ICA1: variants seen among roughly 807,000 people sequenced by gnomAD.
ICA1 encodes the protein 69 kDa islet cell autoantigen.
A neutral mutation model predicts 71.0 loss-of-function variants in ICA1; 40 were observed. The ratio of observed to expected loss-of-function variants is 0.56; its 90% CI spans 0.44 to 0.73. ICA1 has a LOEUF of 0.73. Ranked by LOEUF, ICA1 falls within the 30% of genes least tolerant of loss-of-function variation. The probability of loss-of-function intolerance (pLI) is 0.00; values close to 1 mark genes in which losing one functional copy is unlikely to be tolerated. For missense variants in ICA1, 578 were observed against 576.5 expected, an observed-to-expected ratio of 1.00 and a Z score of -0.03; for synonymous variants, 207 against 209.5, an observed-to-expected ratio of 0.99 and a Z score of 0.10.
At chr7:8,201,818 T>C (rs1237287913) in intron 6 of ICA1, among the ~76,000 whole-genome samples, 1 of 152,082 alleles carries the variant, frequency 6.6e-6, no homozygotes, top group Non-Finnish European at 1.5e-5. Flanking sequence ...AGAGTTGCCA[T>C]TAGGGAGATT....
In ICA1 at chr7:8,231,852, G is replaced by A. The variant is rs569043766; in HGVS notation, c.183+738C>T. Among the ~76,000 whole-genome samples, 14 of 152,262 alleles carry A rather than the reference G, an allele frequency of 9.2e-5. No homozygotes were observed. In the South Asian group the frequency reaches 2.1e-3, roughly 23 times the overall value. ...TGGTTTCCACCATTCTGGACACTCCGAAAACTTTTTGAAATCTTGGGCTTT... is the reference window on the plus strand; with the variant it reads ...TGGTTTCCACCATTCTGGACACTCCAAAAACTTTTTGAAATCTTGGGCTTT... On this transcript the variant is annotated intron_variant, in intron 3 of 13. Transcript: ENST00000402384.
intron 10 of ICA1, among the ~76,000 whole-genome samples, chr7:8,141,124 T>C (rs890864919): frequency 1.1e-4 from 17 of 152,184 alleles, no homozygotes; most frequent in Admixed American, 9.2e-4. Flanking sequence ...TATCAAACCC[T>C]GTGTCCCTCT....
chr7:8,254,362 G>C (rs1436036009), intron 1 of ICA1, among the ~76,000 whole-genome samples: 3 of 151,664 alleles, frequency 2.0e-5, no homozygotes, highest in African/African-American at 4.9e-5. Flanking sequence ...CTTAGGAGCA[G>C]GGAATGCAGG....
intron 6 of ICA1, among the ~76,000 whole-genome samples, chr7:8,191,159 T>G (rs936704649): frequency 6.6e-6 from 1 of 152,260 alleles, no homozygotes; most frequent in Non-Finnish European, 1.5e-5. Context: ...ATAATGTCCC[T>G]GCTATCATCT....
At chr7:8,171,321 A>T (rs1463803149) in intron 6 of ICA1, among the ~76,000 whole-genome samples, 3 of 151,966 alleles carry the variant, frequency 2.0e-5, no homozygotes, top group African/African-American at 4.8e-5. Context: ...TGATTTATTC[A>T]TAGATATAGG....
intron 6 of ICA1, among the ~76,000 whole-genome samples, chr7:8,182,975 G>A (rs558710453): frequency 4.6e-5 from 7 of 152,280 alleles, no homozygotes; most frequent in African/African-American, 1.4e-4. Context: ...GCATGTACAG[G>A]GGACATGCAA....
rs1312052034 is a variant in ICA1 at position 8,232,742 on chromosome 7, C to T, written c.31G>A (p.Asp11Asn). The T allele has an allele frequency of 2.5e-6, 4 of 1,595,788 alleles. No homozygotes were observed. The highest frequency in any genetic ancestry group is 1.7e-5 in the Admixed American group (1 of 57,234). The change falls in exon 3 of 14, where the codon GAC becomes AAC. Residue 11 changes from aspartate to asparagine, a missense_variant. Physicochemically the swap from Asp to Asn is conservative, Grantham distance 23. Coordinates refer to ENST00000402384, the MANE Select transcript of ICA1 (RefSeq NM_001136020.3). The stretch of plus-strand genomic sequence containing the variant: ...TCTTGAGCATATCGATCCTGTAAGT[C>T]CCAGGGATAACTGCTAAAAACATTT... MSGHKCSYPW[D>N]LQDRYAQDKS...
chr7:8,229,364 A>G (rs1190416643), intron 3 of ICA1, among the ~76,000 whole-genome samples: 1 of 152,200 alleles, frequency 6.6e-6, no homozygotes, highest in Non-Finnish European at 1.5e-5. Flanking sequence ...ATCTAACTTG[A>G]TTTCAATGCG....
chr7:8,233,186 T>C (rs1583557918), intron 2 of ICA1, among the ~76,000 whole-genome samples: 1 of 152,034 alleles, frequency 6.6e-6, no homozygotes, highest in East Asian at 1.9e-4. Context: ...AAAGCAGAGA[T>C]AAGAGGCTGA....
intron 6 of ICA1, among the ~76,000 whole-genome samples, chr7:8,169,925 T>TGTGTGTGC (rs1231380733): frequency 6.6e-6 from 1 of 151,798 alleles, no homozygotes; most frequent in Non-Finnish European, 1.5e-5. Context: ...TGTGTGTGTG[T>TGTGTGTGC]GTTTTAATGC....
At position 8,144,862 on chromosome 7, in the gene ICA1, C is replaced by T. The variant is rs1796352802; in HGVS notation, c.805-890G>A. On this transcript the variant is annotated intron_variant, in intron 8 of 13. Transcript: ENST00000402384. This position sits in a 1 kb window ranked among gnomAD's most constrained non-coding sequence, Gnocchi z 4.5. ...AAAATCCAAGTCATGAGCCTGGGGC[C>T]TTCACCTTGTTTCTCCTGTCCTTCT... 6.6e-6 allele frequency among the ~76,000 whole-genome samples: 1 copy of T among 152,182 alleles called. No homozygotes were observed. Among genetic ancestry groups the T allele is most frequent in the South Asian group, 2.1e-4 (1 of 4,828 alleles).
rs373850446 is a variant in ICA1, at chr7:8,119,654, C to T, written c.1331-5610G>A. Among the ~76,000 whole-genome samples the T allele has an allele frequency of 3.9e-5, 6 of 151,930 alleles. No homozygotes were observed. In the East Asian group the frequency reaches 9.7e-4, roughly 25 times the overall value. The stretch of plus-strand genomic sequence containing the variant: ...TGAGGTCAGGAGTTCAAGACCAGCC[C>T]GGCCAACATGGTGAAACCCTGTCTC... On this transcript the variant is annotated intron_variant, in intron 13 of 13. Coordinates refer to ENST00000402384, the MANE Select transcript of ICA1 (RefSeq NM_001136020.3).
At chr7:8,209,937 G>A (rs544036694) in intron 6 of ICA1, among the ~76,000 whole-genome samples, 1 of 152,320 alleles carries the variant, frequency 6.6e-6, no homozygotes, top group East Asian at 1.9e-4. Flanking sequence ...GCAGGGAAGA[G>A]AGGCGGGAGG....
At chr7:8,195,448 C>A (rs372022089) in intron 6 of ICA1, among the ~76,000 whole-genome samples, 1 of 152,060 alleles carries the variant, frequency 6.6e-6, no homozygotes, top group Non-Finnish European at 1.5e-5. Flanking sequence ...GAGGCTGAGG[C>A]AGGAGAATCC....
chr7:8,213,106 A>C (rs1228030797), intron 6 of ICA1, among the ~76,000 whole-genome samples: 2 of 152,238 alleles, frequency 1.3e-5, no homozygotes, highest in African/African-American at 2.4e-5. Context: ...CCAGTTAAAC[A>C]ACCAAACCCA....
At position 8,187,999 on chromosome 7, in the gene ICA1, G is replaced by A. The variant is rs550330626; in HGVS notation, c.580-29347C>T. 4.5e-3 allele frequency among the ~76,000 whole-genome samples: 687 copies of A among 152,290 alleles called. 7 individuals are homozygous for A. The highest frequency in any genetic ancestry group is 0.017 in the Middle Eastern group (5 of 294). Reference sequence around the variant, plus strand: ...TGAGATTATACTGCTACGAAGTGGGGAAGCCACAGTTTGAACCCAGGAGAT... The same window carrying A: ...TGAGATTATACTGCTACGAAGTGGGAAAGCCACAGTTTGAACCCAGGAGAT... On this transcript the variant is annotated intron_variant, in intron 6 of 13. Coordinates refer to ENST00000402384, the MANE Select transcript of ICA1 (RefSeq NM_001136020.3).
chr7:8,227,572 T>C (rs1436109287), intron 4 of ICA1: 4 of 360,776 alleles, frequency 1.1e-5, no homozygotes, highest in Non-Finnish European at 2.1e-5. Flanking sequence ...TGCCTCTACA[T>C]ACAATGATTT....
At chr7:8,147,874 ACTGT>A (rs1313772383) in intron 8 of ICA1, among the ~76,000 whole-genome samples, 2 of 152,170 alleles carry the variant, frequency 1.3e-5, no homozygotes, top group African/African-American at 4.8e-5. Flanking sequence ...GCTCGGGGCC[ACTGT>A]CAGGGTGGAG....
intron 10 of ICA1, among the ~76,000 whole-genome samples, chr7:8,140,772 G>T (rs62435395): frequency 7.2e-5 from 11 of 152,330 alleles, no homozygotes; most frequent in Admixed American, 3.9e-4. Flanking sequence ...GCAAAAAAGT[G>T]AGTCTTTTGT....
Sources: gnomAD v4.1 joint callset for allele counts (sites outside exome capture counted in the v4.1 genomes callset) on GRCh38, gnomAD v4.1.1 for gene constraint, Gnocchi (gnomAD v3.1) non-coding constraint, MANE v1.5 for transcripts, NCBI Gene and HGNC (gene_info 2026-07-23, HGNC 2026-07-21) for gene names.